The following FGF12 variants were observed in gnomAD, a reference collection of about 807,000 sequenced individuals.
FGF12 encodes the protein fibroblast growth factor 12B.
FGF12 carries 14 observed loss-of-function variants against 23.6 expected under a neutral mutation model. That is an observed-to-expected ratio of 0.59 (90% CI 0.39 to 0.93). The LOEUF (loss-of-function observed/expected upper bound fraction) is 0.93, where lower values mean the gene tolerates loss of function less well. Among genes scored for constraint, FGF12 ranks in the 40% least tolerant of loss-of-function variants. FGF12 has a pLI of 0.00. For synonymous variants in FGF12, 62 were observed against 77.3 expected, an observed-to-expected ratio of 0.80 and a Z score of 1.04; for missense variants, 175 against 217.8, an observed-to-expected ratio of 0.80 and a Z score of 1.24.
At chr3:192,723,771 G>A (rs1168079069) in intron 2 of FGF12, among the ~76,000 whole-genome samples, 3 of 151,644 alleles carry the variant, frequency 2.0e-5, no homozygotes, top group Admixed American at 6.6e-5. Flanking sequence ...TCTATAGGTA[G>A]TATGCCAGCT....
chr3:192,416,100 C>G (rs1721344962), intron 2 of FGF12, among the ~76,000 whole-genome samples: 1 of 152,070 alleles, frequency 6.6e-6, no homozygotes, highest in Non-Finnish European at 1.5e-5. Flanking sequence ...TTTTTGTCCT[C>G]TGCATGCACA....
intron 4 of FGF12, among the ~76,000 whole-genome samples, chr3:192,224,273 C>T (rs1302661532): frequency 6.6e-6 from 1 of 152,120 alleles, no homozygotes; most frequent in Non-Finnish European, 1.5e-5. Context: ...TAATGACATA[C>T]AATTCCATTT....
intron 2 of FGF12, among the ~76,000 whole-genome samples, chr3:192,367,950 T>C (rs973785642): frequency 6.6e-6 from 1 of 152,206 alleles, no homozygotes; most frequent in Admixed American, 6.5e-5. Flanking sequence ...TGTAACTAAG[T>C]GCATTCTATT....
In FGF12 at chr3:192,379,112, T is replaced by A. The variant is rs140289148; in HGVS notation, c.14-18574A>T. ...TAAATTTTTTCTGGCTGCATAGTAT[T>A]CCATGGTGTATATGTACCACATTTT... On this transcript the variant is annotated intron_variant, in intron 2 of 5. Transcript: ENST00000445105. Among the ~76,000 whole-genome samples the A allele has an allele frequency of 4.3e-3, 655 of 152,272 alleles. 4 individuals are homozygous for A. Among genetic ancestry groups the A allele is most frequent in the African/African-American group, 0.015 (630 of 41,546 alleles).
chr3:192,255,622 ATTTC>A lies in FGF12; in HGVS notation c.228+79735_228+79738del, dbSNP rs374156255. On this transcript the variant is annotated intron_variant, in intron 4 of 5. Coordinates refer to ENST00000445105, the MANE Select transcript of FGF12 (RefSeq NM_004113.6). ...AAGCACAACCTAATCCTCTACTATTATTTCTTTATTATTTGCAATCTCTGATTAG... is the reference window on the plus strand; with the variant it reads ...AAGCACAACCTAATCCTCTACTATTATTTATTATTTGCAATCTCTGATTAG... Among the ~76,000 whole-genome samples the A allele has an allele frequency of 2.2e-3, 336 of 152,150 alleles. 2 individuals are homozygous for A. The highest frequency in any genetic ancestry group is 5.5e-3 in the African/African-American group (230 of 41,542).
rs1227909140 is a variant in FGF12 at position 192,153,960 on chromosome 3, C to T, written c.428-9833G>A. Among the ~76,000 whole-genome samples the T allele has an allele frequency of 6.4e-5, 3 of 47,196 alleles. No homozygotes were observed. In the Admixed American group the frequency reaches 7.6e-4, roughly 12 times the overall value. 31.0% of individuals were successfully genotyped at this position (47,196 alleles called of 152,430 possible). ...ATCACTTTCAGGTACACCAATCAGA[C>T]GTAGATTTGGTCTTTTCACATAGTC... is the stretch of plus-strand genomic sequence containing the variant. On this transcript the variant is annotated intron_variant, in intron 5 of 5. Coordinates refer to ENST00000445105, the MANE Select transcript of FGF12 (RefSeq NM_004113.6).
intron 2 of FGF12, among the ~76,000 whole-genome samples, chr3:192,435,705 G>A (rs1722002996): frequency 6.6e-6 from 1 of 152,092 alleles, no homozygotes; most frequent in Non-Finnish European, 1.5e-5. Context: ...GGATGAAACA[G>A]CTTTGCTTTT....
chr3:192,537,794 C>G (rs1207458784), intron 2 of FGF12, among the ~76,000 whole-genome samples: 1 of 152,052 alleles, frequency 6.6e-6, no homozygotes, highest in African/African-American at 2.4e-5. Flanking sequence ...AGGTTTTTAA[C>G]TTGATGTGAT....
intron 2 of FGF12, among the ~76,000 whole-genome samples, chr3:192,387,674 C>T (rs1043652163): frequency 4.0e-4 from 61 of 150,910 alleles, no homozygotes; most frequent in African/African-American, 1.5e-3. Context: ...TGGCAAAACC[C>T]CATCTCTACA....
chr3:192,332,834 G>A (rs1275222250), intron 4 of FGF12, among the ~76,000 whole-genome samples: 3 of 151,954 alleles, frequency 2.0e-5, no homozygotes, highest in Non-Finnish European at 4.4e-5. Context: ...TGTTGCCTAC[G>A]ACATAGAAAA....
At chr3:192,715,534 A>C (rs891006640) in intron 2 of FGF12, among the ~76,000 whole-genome samples, 1 of 152,080 alleles carries the variant, frequency 6.6e-6, no homozygotes, top group Non-Finnish European at 1.5e-5. Context: ...TCAAATGCCA[A>C]CTCCTTCCTA....
chr3:192,552,572 G>A (rs1335344498), intron 2 of FGF12, among the ~76,000 whole-genome samples: 2 of 151,974 alleles, frequency 1.3e-5, no homozygotes, highest in African/African-American at 4.8e-5. Context: ...AAAGATGAAA[G>A]ATGATGGACT....
chr3:192,191,890 G>A (rs1187082396), intron 4 of FGF12, among the ~76,000 whole-genome samples: 7 of 151,586 alleles, frequency 4.6e-5, no homozygotes, highest in Admixed American at 3.3e-4. Context: ...ACAAATAGCA[G>A]GGATAAAGAA....
intron 2 of FGF12, among the ~76,000 whole-genome samples, chr3:192,476,786 C>T (rs780523636): frequency 1.3e-5 from 2 of 152,036 alleles, no homozygotes; most frequent in Non-Finnish European, 2.9e-5. Context: ...TGATTATAGC[C>T]AAATTGTAAA....
chr3:192,720,805 A>G (rs11920769), intron 2 of FGF12, among the ~76,000 whole-genome samples: 108,632 of 152,046 alleles, frequency 0.71, 39,641 homozygotes, highest in African/African-American at 0.85. Context: ...GAGCTTATCG[A>G]TGGATTCATA....
chr3:192,428,508 TAAAAAAG>T (rs1246690303), intron 2 of FGF12, among the ~76,000 whole-genome samples: 1 of 152,100 alleles, frequency 6.6e-6, no homozygotes, highest in South Asian at 2.1e-4. Context: ...ATCTGGGTCT[TAAAAAAG>T]AAAAAAGAAA....
intron 2 of FGF12, among the ~76,000 whole-genome samples, chr3:192,719,688 T>C (rs1718975551): frequency 6.6e-6 from 1 of 150,638 alleles, no homozygotes; most frequent in Admixed American, 6.7e-5. Flanking sequence ...TTTCCAGATT[T>C]AAACAATTAG....
chr3:192,672,786 G>A (rs1717174916), intron 2 of FGF12, among the ~76,000 whole-genome samples: 1 of 150,826 alleles, frequency 6.6e-6, no homozygotes, highest in Non-Finnish European at 1.5e-5. Flanking sequence ...GATGAAGTTT[G>A]GAACTCTTGG....
At chr3:192,538,238 G>T (rs949552308) in intron 2 of FGF12, among the ~76,000 whole-genome samples, 1 of 151,274 alleles carries the variant, frequency 6.6e-6, no homozygotes, top group East Asian at 1.9e-4. Context: ...ATGAGCCACC[G>T]CACCAGGCCT....
Sources: gnomAD v4.1 joint callset for allele counts (sites outside exome capture counted in the v4.1 genomes callset) on GRCh38, gnomAD v4.1.1 for gene constraint, MANE v1.5 for transcripts, NCBI Gene and HGNC (gene_info 2026-07-23, HGNC 2026-07-21) for gene names.